The following GRK5 variants were observed in gnomAD, a reference collection of about 807,000 sequenced individuals.
The protein encoded by GRK5 is g protein-coupled receptor kinase GRK5.
GRK5 carries 40 observed loss-of-function variants against 78.4 expected under a neutral mutation model. The ratio of observed to expected loss-of-function variants is 0.51; its 90% CI spans 0.40 to 0.66. The LOEUF (loss-of-function observed/expected upper bound fraction) is 0.66, where lower values mean the gene tolerates loss of function less well. Ranked by LOEUF, GRK5 falls within the 30% of genes least tolerant of loss-of-function variation. The pLI is 0.00. For missense variants in GRK5, 598 were observed against 759.9 expected, an observed-to-expected ratio of 0.79 and a Z score of 2.50; for synonymous variants, 289 against 296.8, an observed-to-expected ratio of 0.97 and a Z score of 0.27.
chr10:119,358,317 G>A (rs529128698), intron 2 of GRK5, among the ~76,000 whole-genome samples: 2 of 152,292 alleles, frequency 1.3e-5, no homozygotes, highest in East Asian at 3.9e-4. Context: ...GGCACAGAGT[G>A]ATTATGCCCG....
chr10:119,275,212 C>T (rs565255174), intron 1 of GRK5, among the ~76,000 whole-genome samples: 3 of 152,096 alleles, frequency 2.0e-5, no homozygotes, highest in Admixed American at 2.0e-4. Context: ...AGGTTTCAGA[C>T]GGGATAAGCG....
chr10:119,347,336 T>C lies in GRK5; in HGVS notation c.148+20725T>C, dbSNP rs566541004. Among the ~76,000 whole-genome samples the C allele has an allele frequency of 5.9e-5, 9 of 152,172 alleles. No individual in the cohort carries two copies. The South Asian group carries it at 1.2e-3, about 21-fold the overall frequency. On this transcript the variant is annotated intron_variant, in intron 2 of 15. Transcript: ENST00000392870. ...TTGTATGTGTCCGTATATTTGTGAG[T>C]GTGCATGTGTGTGCGTGTGTGTACA...
chr10:119,342,282 CTAA>C (rs535110428), intron 2 of GRK5, among the ~76,000 whole-genome samples: 36 of 152,328 alleles, frequency 2.4e-4, no homozygotes, highest in African/African-American at 7.5e-4. Context: ...CATTGAGCTG[CTAA>C]ACCAAACCGG....
At position 119,458,438 on chromosome 10, in the gene GRK5, C is replaced by T. The variant is rs1343047090; in HGVS notation, c.*3371C>T. 2.0e-5 allele frequency: 3 copies of T among 152,220 alleles called. No homozygotes were observed. The highest frequency in any genetic ancestry group is 6.5e-5 in the Admixed American group (1 of 15,286). The allele number at this position is 152,220 out of a possible 1,614,324, so 9.4% of individuals were successfully genotyped here. On this transcript the variant is annotated 3_prime_UTR_variant, in exon 16 of 16. Coordinates refer to ENST00000392870, the MANE Select transcript of GRK5 (RefSeq NM_005308.3). ...CTCGCCTCTTCCTTGGCCGGGAACC[C>T]GGGGCTCTAGGGCTGCTCGCTGCTG...
intron 3 of GRK5, among the ~76,000 whole-genome samples, chr10:119,386,420 G>A (rs757518847): frequency 4.6e-5 from 7 of 152,146 alleles, no homozygotes; most frequent in African/African-American, 7.2e-5. Flanking sequence ...TTCCAGCCAC[G>A]TGTTTTGTTA....
intron 1 of GRK5, among the ~76,000 whole-genome samples, chr10:119,242,189 A>G (rs1452713142): frequency 2.6e-5 from 4 of 151,910 alleles, no homozygotes; most frequent in African/African-American, 9.7e-5. Context: ...CGGGTGGCAT[A>G]TTTTGGTCCC....
At chr10:119,429,385 GC>G in intron 6 of GRK5, among the ~76,000 whole-genome samples, 1 of 151,782 alleles carries the variant, frequency 6.6e-6, no homozygotes, top group South Asian at 2.1e-4. Flanking sequence ...TCCAACCCCT[GC>G]CCTGGTCGGG....
intron 1 of GRK5, among the ~76,000 whole-genome samples, chr10:119,302,215 G>T (rs1351954772): frequency 6.6e-6 from 1 of 152,158 alleles, no homozygotes; most frequent in East Asian, 1.9e-4. Context: ...TGAATAACTG[G>T]GCTTCTTCCC....
At chr10:119,385,484 A>T (rs1002085302) in intron 3 of GRK5, among the ~76,000 whole-genome samples, 1 of 152,000 alleles carries the variant, frequency 6.6e-6, no homozygotes, top group African/African-American at 2.4e-5. Context: ...GCAGGCTTTG[A>T]GGGGCTGAGG....
intron 3 of GRK5, among the ~76,000 whole-genome samples, chr10:119,386,859 G>A (rs977846717): frequency 1.3e-5 from 2 of 152,162 alleles, no homozygotes; most frequent in African/African-American, 4.8e-5. Context: ...TTGCAGTAGC[G>A]CCCCGGGTGC....
rs1484704668 is a variant in GRK5 at position 119,455,215 on chromosome 10, C to T, written c.*148C>T. 1.4e-6 allele frequency: 1 copy of T among 732,566 alleles called. No individual in the cohort carries two copies. The highest frequency in any genetic ancestry group is 2.4e-6 in the Non-Finnish European group (1 of 410,426). The allele number at this position is 732,566 out of a possible 1,614,324, so 45.4% of individuals were successfully genotyped here. On this transcript the variant is annotated 3_prime_UTR_variant, in exon 16 of 16. Transcript: ENST00000392870. ...GGCCGTCCATCCCGTCGACGTAGAA[C>T]CTCGAGGTTTCTCAAAGAAATTTCC...
rs1263193553 is a variant in GRK5, at chr10:119,457,502, T to TG, written c.*2440dup. ...GCCCTCCCTGAGTGCCCAGAGGAGATGGGGGCAGAGTCACTTGGCCTACTA... is the reference window on the plus strand; with the variant it reads ...GCCCTCCCTGAGTGCCCAGAGGAGATGGGGGGCAGAGTCACTTGGCCTACTA... On this transcript the variant is annotated 3_prime_UTR_variant, in exon 16 of 16. Coordinates refer to ENST00000392870, the MANE Select transcript of GRK5 (RefSeq NM_005308.3). 1 of 152,060 alleles carries TG rather than the reference T, an allele frequency of 6.6e-6. No individual in the cohort carries two copies. The highest frequency in any genetic ancestry group is 1.9e-4 in the East Asian group (1 of 5,196). The allele number at this position is 152,060 out of a possible 1,614,324, so 9.4% of individuals were successfully genotyped here. A position where few individuals can be genotyped will look rare whatever the true frequency, so the allele number is the denominator to read the frequency against.
chr10:119,398,429 A>G, intron 4 of GRK5, among the ~76,000 whole-genome samples: 1 of 152,014 alleles, frequency 6.6e-6, no homozygotes, highest in East Asian at 1.9e-4. Context: ...CTATTTACAG[A>G]CAGGCCACTG....
chr10:119,397,651 G>A (rs1461973131), intron 4 of GRK5, among the ~76,000 whole-genome samples: 4 of 152,202 alleles, frequency 2.6e-5, no homozygotes, highest in Non-Finnish European at 5.9e-5. Flanking sequence ...CCCATCCCAG[G>A]CTGCCAGTGG....
intron 2 of GRK5, among the ~76,000 whole-genome samples, chr10:119,354,561 C>A (rs573245014): frequency 6.6e-6 from 1 of 152,106 alleles, no homozygotes; most frequent in Admixed American, 6.5e-5. Flanking sequence ...ACCGCCATGC[C>A]TGGCTAATTT....
intron 1 of GRK5, among the ~76,000 whole-genome samples, chr10:119,301,069 A>G (rs1589730856): frequency 1.3e-5 from 2 of 152,028 alleles, no homozygotes; most frequent in South Asian, 4.2e-4. Flanking sequence ...GTGCCACTGC[A>G]CTCCAACCTG....
chr10:119,307,599 C>A (rs1850292865), intron 1 of GRK5, among the ~76,000 whole-genome samples: 1 of 152,186 alleles, frequency 6.6e-6, no homozygotes, highest in South Asian at 2.1e-4. Flanking sequence ...CCAGAAGGCA[C>A]ACTGCCCTGC....
chr10:119,403,955 A>G (rs1379546930), intron 4 of GRK5, among the ~76,000 whole-genome samples: 5 of 152,068 alleles, frequency 3.3e-5, no homozygotes, highest in African/African-American at 1.2e-4. Context: ...TTTTGTTTCT[A>G]CATTTTTGCT....
intron 4 of GRK5, among the ~76,000 whole-genome samples, chr10:119,415,558 A>G (rs1020334213): frequency 2.6e-5 from 4 of 152,206 alleles, no homozygotes; most frequent in Admixed American, 1.3e-4. Flanking sequence ...AGCCTCCTCA[A>G]TAGTCCAAAC....
Sources: allele counts gnomAD v4.1 joint callset (sites outside exome capture counted in the v4.1 genomes callset), GRCh38; gene constraint gnomAD v4.1.1; transcripts MANE v1.5; gene names NCBI Gene and HGNC (gene_info 2026-07-23, HGNC 2026-07-21).